Variants in BLMH observed in about 807,000 individuals in gnomAD.
BLMH encodes BLM hydrolase.
A neutral mutation model predicts 61.6 loss-of-function variants in BLMH; 32 were observed. That is an observed-to-expected ratio of 0.52 (90% CI 0.39 to 0.70). The LOEUF (loss-of-function observed/expected upper bound fraction) is 0.70. Ranked by LOEUF, BLMH falls within the 30% of genes least tolerant of loss-of-function variation. The pLI is 0.00. For missense variants in BLMH, 460 were observed against 555.5 expected (o/e 0.83, Z 1.73); for synonymous variants, 183 against 193.8 (o/e 0.94, Z 0.46).
At chr17:30,263,149 G>A (rs1400389936) in intron 11 of BLMH, among the ~76,000 whole-genome samples, 1 of 152,198 alleles carries the variant, frequency 6.6e-6, no homozygotes, top group Non-Finnish European at 1.5e-5. Context: ...CAGGGAAGGT[G>A]AGAGAAAGCA....
chr17:30,290,628 TTA>T (rs1908859611), intron 2 of BLMH, among the ~76,000 whole-genome samples: 5 of 152,356 alleles, frequency 3.3e-5, no homozygotes, highest in African/African-American at 4.8e-5. Context: ...TAGAAAGACT[TTA>T]AAAAATCCGT....
At chr17:30,286,522 C>G (rs1450654864) in intron 5 of BLMH, among the ~76,000 whole-genome samples, 1 of 152,216 alleles carries the variant, frequency 6.6e-6, no homozygotes, top group Non-Finnish European at 1.5e-5. Context: ...ACACCGCACC[C>G]TGTGTGCTTG....
intron 1 of BLMH, 122 bp from the exon 2 acceptor site, chr17:30,291,630 C>T (rs1001804115): frequency 1.4e-6 from 2 of 1,412,134 alleles, no homozygotes; most frequent in East Asian, 4.9e-5. Context: ...GCGGGGAAAC[C>T]CATAAGCGGC....
chr17:30,259,470 C>T (rs1907901610), intron 11 of BLMH, among the ~76,000 whole-genome samples: 1 of 152,182 alleles, frequency 6.6e-6, no homozygotes, highest in South Asian at 2.1e-4. Context: ...TCACCCTTTT[C>T]AATCACCTCA....
At chr17:30,263,127 A>G (rs1423079190) in intron 11 of BLMH, among the ~76,000 whole-genome samples, 1 of 152,202 alleles carries the variant, frequency 6.6e-6, no homozygotes, top group East Asian at 1.9e-4. Flanking sequence ...AGTGGACGAC[A>G]TGCTACTAGA....
rs1173953446 is a variant in BLMH at position 30,286,819 on chromosome 17, G to A, written c.547C>T (p.His183Tyr). 2 of 1,581,696 alleles carry A rather than the reference G, an allele frequency of 1.3e-6. No individual in the cohort carries two copies. Among genetic ancestry groups the A allele is most frequent in the Non-Finnish European group, 8.7e-7 (1 of 1,151,158 alleles). The change falls in exon 5 of 12, where the codon CAC becomes TAC. Residue 183 changes from histidine to tyrosine, a missense_variant. His to Tyr is a moderately conservative substitution (Grantham distance 83). Around this residue, in one of 5 missense-constraint regions of BLMH, gnomAD observed 310 missense variants for 371.1 expected, o/e 0.84. Transcript: ENST00000261714. ...CCCTGCTTCATATATTGTACCTTGT[G>A]ATTCAGAATATCATTCATCCTTCTG... ...ATRRMNDILN[H>Y]KMREFCIRLR...
intron 7 of BLMH, 58 bp downstream of exon 7, chr17:30,273,984 T>G (rs1011495117): frequency 8.2e-6 from 13 of 1,584,672 alleles, no homozygotes; most frequent in Non-Finnish European, 1.1e-5. Context: ...TACAATTCCC[T>G]GTGGTTAACA....
chr17:30,291,912 A>G lies in BLMH; in HGVS notation c.-93T>C. On this transcript the variant is annotated 5_prime_UTR_variant, in exon 1 of 12. Transcript: ENST00000261714. ...TGCGGCTCGCTGCCTAGGGGGCCCG[A>G]CCTGTCTCTCGCACCCGGAGCGCCG... The G allele has an allele frequency of 8.0e-7, 1 of 1,246,260 alleles. No individual in the cohort carries two copies. Among genetic ancestry groups the G allele is most frequent in the Admixed American group, 4.1e-5 (1 of 24,548 alleles). 77.2% of individuals were successfully genotyped at this position (1,246,260 alleles called of 1,614,324 possible). A position where few individuals can be genotyped will look rare whatever the true frequency, so the allele number is the denominator to read the frequency against.
chr17:30,248,883 T>C lies in BLMH; in HGVS notation c.*134A>G, dbSNP rs558853710. 1.3e-5 allele frequency: 15 copies of C among 1,126,826 alleles called. No homozygotes were observed. The African/African-American group carries it at 2.2e-4, about 16-fold the overall frequency. 69.8% of individuals were successfully genotyped at this position (1,126,826 alleles called of 1,614,324 possible). ...AAAGCACACTTTCTGAAGAGGTTCC[T>C]GGTGGAGACTGGAAATCTGACTGTG... On this transcript the variant is annotated 3_prime_UTR_variant, in exon 12 of 12. Transcript: ENST00000261714.
At chr17:30,255,421 C>T (rs922172021) in intron 11 of BLMH, among the ~76,000 whole-genome samples, 2 of 152,278 alleles carry the variant, frequency 1.3e-5, no homozygotes, top group African/African-American at 4.8e-5. Context: ...TTAAGCAATG[C>T]TTATTAATTT....
In BLMH at chr17:30,271,184, T is replaced by A; in HGVS notation, c.1146+87A>T. 3 of 1,021,458 alleles carry A rather than the reference T, an allele frequency of 2.9e-6. No individual in the cohort carries two copies. The South Asian group carries it at 4.0e-5, about 14-fold the overall frequency. The allele number at this position is 1,021,458 out of a possible 1,614,324, so 63.3% of individuals were successfully genotyped here. A position where few individuals can be genotyped will look rare whatever the true frequency, so the allele number is the denominator to read the frequency against. On this transcript the variant is annotated intron_variant, in intron 10 of 11. Transcript: ENST00000261714. Reference sequence around the variant, plus strand: ...CTTTTAACAGAAATCATATACACTATGAATGAAGCTTTGTTGGGTAAACAG... The same window carrying A: ...CTTTTAACAGAAATCATATACACTAAGAATGAAGCTTTGTTGGGTAAACAG...
intron 11 of BLMH, among the ~76,000 whole-genome samples, chr17:30,251,699 C>T (rs997745130): frequency 7.9e-5 from 12 of 151,982 alleles, no homozygotes; most frequent in African/African-American, 2.9e-4. Flanking sequence ...CCATTTCCCA[C>T]TACACAGGAC....
At chr17:30,268,113 G>A (rs947696465) in intron 10 of BLMH, among the ~76,000 whole-genome samples, 1 of 152,158 alleles carries the variant, frequency 6.6e-6, no homozygotes, top group Admixed American at 6.5e-5. Context: ...CATATTATAT[G>A]TCTGTTTTGG....
At chr17:30,290,126 T>C (rs1908843937) in intron 2 of BLMH, among the ~76,000 whole-genome samples, 1 of 152,246 alleles carries the variant, frequency 6.6e-6, no homozygotes, top group Non-Finnish European at 1.5e-5. Context: ...AAGTCACTAG[T>C]GCCTATTAGT....
intron 6 of BLMH, among the ~76,000 whole-genome samples, chr17:30,277,210 G>A (rs532887919): frequency 7.2e-5 from 11 of 152,194 alleles, no homozygotes; most frequent in Middle Eastern, 3.4e-3. Context: ...CTCTTTTAAC[G>A]TTATATCCTT....
At position 30,287,323 on chromosome 17, in the gene BLMH, A is replaced by G. The variant is rs868848734; in HGVS notation, c.464-421T>C. 1.6e-4 allele frequency among the ~76,000 whole-genome samples: 24 copies of G among 152,292 alleles called. No homozygotes were observed. The South Asian group carries it at 3.3e-3, about 21-fold the overall frequency. On this transcript the variant is annotated intron_variant, in intron 4 of 11. Transcript: ENST00000261714. ...ATTACATGCCTGAGCCACCTTACCC[A>G]GCCTAAGTAGGTTTTTAATGTGCAT...
chr17:30,291,653 G>A (rs1908894667), intron 1 of BLMH, 145 bp from the exon 2 acceptor site: 8 of 1,374,606 alleles, frequency 5.8e-6, no homozygotes, highest in African/African-American at 1.4e-5. Flanking sequence ...CCTCCTCCAA[G>A]GAGCTGTCTC....
intron 6 of BLMH, among the ~76,000 whole-genome samples, chr17:30,274,965 CA>C (rs1908377491): frequency 6.9e-6 from 1 of 145,264 alleles, no homozygotes. Flanking sequence ...GGTGACAGAG[CA>C]AGACCCTATC....
Position 30,248,841 on chromosome 17 carries a change from G to T in BLMH, c.*176C>A. ...CCCCCCTCTTTTTTTTCCTTTAACA[G>T]TATTCTGTTTCAGCATAAAGCACAC... is the stretch of plus-strand genomic sequence containing the variant. On this transcript the variant is annotated 3_prime_UTR_variant, in exon 12 of 12. Transcript: ENST00000261714. 1 of 713,296 alleles carries T rather than the reference G, an allele frequency of 1.4e-6. No homozygotes were observed. Among genetic ancestry groups the T allele is most frequent in the Non-Finnish European group, 2.3e-6 (1 of 437,432 alleles). The allele number at this position is 713,296 out of a possible 1,614,324, so 44.2% of individuals were successfully genotyped here. A position where few individuals can be genotyped will look rare whatever the true frequency, so the allele number is the denominator to read the frequency against.
Sources: gnomAD v4.1 joint callset for allele counts (sites outside exome capture counted in the v4.1 genomes callset) on GRCh38, gnomAD v4.1.1 for gene constraint, gnomAD v4.1.1 regional missense constraint, MANE v1.5 for transcripts, NCBI Gene and HGNC (gene_info 2026-07-23, HGNC 2026-07-21) for gene names.